Variants in SMARCA4 observed in about 807,000 individuals in gnomAD.
SMARCA4 encodes the protein SWI/SNF-related matrix-associated actin-dependent regulator of chromatin subfamily A member 4.
A neutral mutation model predicts 193.9 loss-of-function variants in SMARCA4; 31 were observed. The ratio of observed to expected loss-of-function variants is 0.16; its 90% confidence interval spans 0.12 to 0.22. The LOEUF is 0.22. SMARCA4 is among the 10% of genes least tolerant of loss of function. The pLI is 1.00. For missense variants in SMARCA4, 1,148 were observed against 2,296.0 expected, an observed-to-expected ratio of 0.50 and a Z score of 10.22; for synonymous variants, 942 against 933.1, an observed-to-expected ratio of 1.01 and a Z score of -0.17.
At chr19:10,990,886 C>T (rs955226205) in intron 7 of SMARCA4, among the ~76,000 whole-genome samples, 2 of 152,198 alleles carry the variant, frequency 1.3e-5, no homozygotes, top group African/African-American at 2.4e-5. Flanking sequence ...TGAATGACTC[C>T]TAAGACGTGT....
intron 11 of SMARCA4, among the ~76,000 whole-genome samples, chr19:10,998,388 C>T (rs1600099113): frequency 6.6e-6 from 1 of 152,158 alleles, no homozygotes; most frequent in East Asian, 1.9e-4. Flanking sequence ...AAGGGATCTC[C>T]ACTGTCCAGT....
intron 1 of SMARCA4, among the ~76,000 whole-genome samples, chr19:10,974,375 ATCTT>A (rs1019917426): frequency 6.6e-6 from 1 of 150,840 alleles, no homozygotes; most frequent in African/African-American, 2.4e-5. Context: ...ACATCCTTTG[ATCTT>A]TCTCTTTTAT....
Position 11,033,107 on chromosome 19 carries a change from G to A in SMARCA4, c.3547-183G>A, listed in dbSNP as rs932989810. On this transcript the variant is annotated intron_variant, in intron 25 of 34. Coordinates refer to ENST00000344626, the MANE Select transcript of SMARCA4 (RefSeq NM_003072.5). The surrounding 1 kb of genome is among the most constrained non-coding windows in gnomAD (Gnocchi z 9.8). ...AACGTGATGAGAGTCCCCTTCCCCC[G>A]AGGGACACATGGCGGCCCAGGCTCC... 2.7e-5 allele frequency: 18 copies of A among 672,396 alleles called. No homozygotes were observed. Among genetic ancestry groups the A allele is most frequent in the East Asian group, 1.6e-4 (6 of 36,798 alleles). 41.7% of individuals were successfully genotyped at this position (672,396 alleles called of 1,614,324 possible). A position where few individuals can be genotyped will look rare whatever the true frequency, so the allele number is the denominator to read the frequency against.
chr19:11,012,794 G>T, intron 15 of SMARCA4, 155 bp from the exon 16 acceptor site: 1 of 714,406 alleles, frequency 1.4e-6, no homozygotes, highest in Non-Finnish European at 2.6e-6. Flanking sequence ...GAATCAGTTT[G>T]GTTCAGAGGA....
chr19:11,008,986 A>AC (rs2088524163), intron 14 of SMARCA4, among the ~76,000 whole-genome samples: 1 of 144,940 alleles, frequency 6.9e-6, no homozygotes, highest in East Asian at 2.0e-4. Flanking sequence ...AAAAAAAAAA[A>AC]ATGTAGGTGG....
intron 29 of SMARCA4, among the ~76,000 whole-genome samples, chr19:11,038,618 G>A (rs1489536487): frequency 5.3e-5 from 8 of 152,162 alleles, no homozygotes; most frequent in Non-Finnish European, 1.5e-5. Context: ...CACTTGTGGG[G>A]TGTTGCTGTC....
chr19:11,050,424 C>T (rs548179407), intron 30 of SMARCA4, among the ~76,000 whole-genome samples: 3 of 152,372 alleles, frequency 2.0e-5, no homozygotes, highest in East Asian at 1.9e-4. Context: ...GTCTGCAGCA[C>T]AGGGGCCTGA....
chr19:11,037,476 C>G (rs2075333828), intron 29 of SMARCA4, among the ~76,000 whole-genome samples: 1 of 152,142 alleles, frequency 6.6e-6, no homozygotes, highest in East Asian at 1.9e-4. Context: ...GATGTCTAGT[C>G]ACATCATCCT....
rs2146372359 is a variant in SMARCA4 at position 11,019,582 on chromosome 19, C to T, written c.2506-9C>T. 1.9e-6 allele frequency: 3 copies of T among 1,595,772 alleles called. No individual in the cohort carries two copies. Among genetic ancestry groups the T allele is most frequent in the Non-Finnish European group, 2.6e-6 (3 of 1,166,668 alleles). Reference sequence around the variant, plus strand: ...AAAAGCCGAGCTGTGCATCCTGCTTCCCTTGCAGGGATCCCCAGCAGCAAG... The same window carrying T: ...AAAAGCCGAGCTGTGCATCCTGCTTTCCTTGCAGGGATCCCCAGCAGCAAG... On this transcript the variant is annotated splice_polypyrimidine_tract_variant and intron_variant, in intron 17 of 34. Transcript: ENST00000344626. The surrounding 1 kb of genome is among the most constrained non-coding windows in gnomAD (Gnocchi z 6.1).
intron 1 of SMARCA4, among the ~76,000 whole-genome samples, chr19:10,975,617 C>A (rs2085069502): frequency 6.6e-6 from 1 of 152,078 alleles, no homozygotes; most frequent in South Asian, 2.1e-4. Context: ...CCTCTCAATT[C>A]TTTTTTGATG....
At chr19:11,025,329 C>T (rs1185477001) in intron 21 of SMARCA4, 93 bp from the exon 22 acceptor site, 1 of 816,694 alleles carries the variant, frequency 1.2e-6, no homozygotes, top group African/African-American at 1.7e-5. Context: ...AGAGCGTCCC[C>T]ATGGCCCTTC....
chr19:11,018,785 G>A (rs1457792425), intron 16 of SMARCA4, 172 bp from the exon 17 acceptor site: 9 of 731,080 alleles, frequency 1.2e-5, no homozygotes, highest in Non-Finnish European at 1.8e-5. Flanking sequence ...TCACGTCCTC[G>A]CCAGTCTCTC....
At chr19:11,042,669 G>A (rs2075686343) in intron 30 of SMARCA4, among the ~76,000 whole-genome samples, 1 of 152,220 alleles carries the variant, frequency 6.6e-6, no homozygotes, top group African/African-American at 2.4e-5. Context: ...GTAACAATTG[G>A]AGTGCCTAAA....
chr19:10,964,704 G>A (rs1351765745), intron 1 of SMARCA4, among the ~76,000 whole-genome samples: 3 of 150,992 alleles, frequency 2.0e-5, no homozygotes, highest in Non-Finnish European at 2.9e-5. Context: ...TGCAACCTCC[G>A]CCTCCTGGTC....
chr19:11,010,978 C>A (rs1456828617), intron 15 of SMARCA4: 1 of 261,588 alleles, frequency 3.8e-6, no homozygotes, highest in Non-Finnish European at 7.7e-6. Context: ...GAGCTTAGAT[C>A]TAGGAGCCGG....
intron 29 of SMARCA4, among the ~76,000 whole-genome samples, chr19:11,036,340 C>T (rs1218143617): frequency 6.6e-6 from 1 of 152,206 alleles, no homozygotes; most frequent in Non-Finnish European, 1.5e-5. Context: ...CCAGGCTGGC[C>T]TCCAGTTCCT....
chr19:11,033,621 C>CGGAT lies in SMARCA4; in HGVS notation c.3774+104_3774+105insGGAT. 1 of 885,390 alleles carries CGGAT rather than the reference C, an allele frequency of 1.1e-6. No homozygotes were observed. Among genetic ancestry groups the CGGAT allele is most frequent in the Non-Finnish European group, 1.9e-6 (1 of 525,856 alleles). The allele number at this position is 885,390 out of a possible 1,614,324, so 54.8% of individuals were successfully genotyped here. The stretch of plus-strand genomic sequence containing the variant: ...CTTTTTTGCACTCTTATTTTTTTTG[C>CGGAT]ATCCCTTTGGAGTAAAGGGAGTGTG... On this transcript the variant is annotated intron_variant, in intron 26 of 34. Coordinates refer to ENST00000344626, the MANE Select transcript of SMARCA4 (RefSeq NM_003072.5). This position sits in a 1 kb window ranked among gnomAD's most constrained non-coding sequence, Gnocchi z 9.8.
intron 14 of SMARCA4, 34 bp downstream of exon 14, chr19:11,008,057 G>C (rs1166593227): frequency 6.2e-7 from 1 of 1,605,476 alleles, no homozygotes; most frequent in Non-Finnish European, 8.5e-7. Flanking sequence ...TTCTGTGCCA[G>C]CTTCCTGTGA....
At chr19:10,968,375 A>G (rs191301874) in intron 1 of SMARCA4, among the ~76,000 whole-genome samples, 6 of 152,160 alleles carry the variant, frequency 3.9e-5, no homozygotes, top group Admixed American at 6.6e-5. Context: ...AGCTTCATTT[A>G]TGTATGTGGA....
Sources: allele counts gnomAD v4.1 joint callset (sites outside exome capture counted in the v4.1 genomes callset), GRCh38; gene constraint gnomAD v4.1.1; non-coding constraint Gnocchi (gnomAD v3.1); transcripts MANE v1.5; gene names NCBI Gene and HGNC (gene_info 2026-07-23, HGNC 2026-07-21).